Variants in RBFOX3 observed in about 807,000 individuals in gnomAD.
RBFOX3 encodes the protein RNA binding fox-1 homolog 3, also known as RNA binding protein fox-1 homolog 3.
In RBFOX3, 17 loss-of-function variants were observed where a neutral mutation model predicts 48.7. The observed-to-expected ratio is 0.35, with a 90% CI of 0.24 to 0.52. The LOEUF (loss-of-function observed/expected upper bound fraction) is 0.52, where lower values mean the gene tolerates loss of function less well. RBFOX3 is among the 20% of genes least tolerant of loss of function. RBFOX3 has a pLI of 0.94. For synonymous variants in RBFOX3, 212 were observed against 209.5 expected (o/e 1.01, Z -0.10); for missense variants, 382 against 497.5 (o/e 0.77, Z 2.21).
rs1568117949 is a variant in RBFOX3 at position 79,096,745 on chromosome 17, C to T, written c.844G>A (p.Ala282Thr). 1.2e-5 allele frequency: 18 copies of T among 1,520,092 alleles called. No individual in the cohort carries two copies. The highest frequency in any genetic ancestry group is 1.6e-5 in the Non-Finnish European group (18 of 1,118,478). The allele number at this position is 1,520,092 out of a possible 1,614,324, so 94.2% of individuals were successfully genotyped here. ...GGGAACGCTGGAGAGGTGGGGTAGG[C>T]CGGCTCCGGTGTCTGCTGAGGAGGG... is the stretch of plus-strand genomic sequence containing the variant. ...PLPPQQTPEP[A>T]YPTSPAFPPL... The change falls in exon 12 of 15, where the codon GCC becomes ACC. Residue 282 changes from alanine to threonine, a missense_variant. Ala to Thr is a moderately conservative substitution (Grantham distance 58, BLOSUM62 0). Around this residue, in one of 3 missense-constraint regions of RBFOX3, gnomAD observed 215 missense variants for 254.8 expected, o/e 0.84. Coordinates refer to ENST00000693108, the MANE Select transcript of RBFOX3 (RefSeq NM_001350451.2).
At chr17:79,240,302 G>A (rs1281080943) in intron 3 of RBFOX3, among the ~76,000 whole-genome samples, 3 of 152,148 alleles carry the variant, frequency 2.0e-5, no homozygotes, top group Non-Finnish European at 4.4e-5. Context: ...GAAAAAAACC[G>A]CTCATGTCAA....
chr17:79,484,998 A>T (rs2079350952), intron 1 of RBFOX3, among the ~76,000 whole-genome samples: 1 of 152,166 alleles, frequency 6.6e-6, no homozygotes, highest in South Asian at 2.1e-4. Context: ...ATTTGCTTTA[A>T]CTCTCAATAT....
chr17:79,502,128 C>T (rs999187982), intron 1 of RBFOX3, among the ~76,000 whole-genome samples: 3 of 152,072 alleles, frequency 2.0e-5, no homozygotes, highest in Admixed American at 6.5e-5. Context: ...AAAAATGGGG[C>T]TAATATAACC....
chr17:79,525,779 A>G (rs2086718481), intron 1 of RBFOX3, among the ~76,000 whole-genome samples: 1 of 152,210 alleles, frequency 6.6e-6, no homozygotes, highest in East Asian at 1.9e-4. Flanking sequence ...CTATGAGTAC[A>G]TTTTAATTCA....
rs554575681 is a variant in RBFOX3 at position 79,436,485 on chromosome 17, G to A, written c.-175+45969C>T. Reference sequence around the variant, plus strand: ...GCCCCATGGGCGGGACAGGGCTAGAGGGCAGCTGGAGAGCTGGCAGAGCCC... The same window carrying A: ...GCCCCATGGGCGGGACAGGGCTAGAAGGCAGCTGGAGAGCTGGCAGAGCCC... On this transcript the variant is annotated intron_variant, in intron 2 of 14. Transcript: ENST00000693108. Among the ~76,000 whole-genome samples, 4 of 152,338 alleles carry A rather than the reference G, an allele frequency of 2.6e-5. No individual in the cohort carries two copies. In the South Asian group the frequency reaches 8.3e-4, roughly 32 times the overall value.
At chr17:79,341,338 A>C (rs1200251835) in intron 2 of RBFOX3, among the ~76,000 whole-genome samples, 3 of 152,236 alleles carry the variant, frequency 2.0e-5, no homozygotes, top group Non-Finnish European at 4.4e-5. Flanking sequence ...TCCAATTCAT[A>C]TGCCACAGCC....
intron 1 of RBFOX3, among the ~76,000 whole-genome samples, chr17:79,498,102 G>A (rs1392086799): frequency 6.6e-6 from 1 of 152,194 alleles, no homozygotes; most frequent in East Asian, 1.9e-4. Context: ...CGCTTGCCCT[G>A]CCTTTTGGCT....
the RBFOX3 span, among the ~76,000 whole-genome samples, chr17:79,652,534 G>A: frequency 0.16 from 17,748 of 113,716 alleles, 1,738 homozygotes; most frequent in African/African-American, 0.31. Flanking sequence ...GGAGGGGAGG[G>A]GGAAAAGAAC....
intron 2 of RBFOX3, among the ~76,000 whole-genome samples, chr17:79,324,235 G>A (rs575425594): frequency 6.6e-6 from 1 of 152,210 alleles, no homozygotes; most frequent in Non-Finnish European, 1.5e-5. Flanking sequence ...GGCTTTGGGG[G>A]CTTGGGTCAC....
chr17:79,493,634 T>G (rs922988302), intron 1 of RBFOX3, among the ~76,000 whole-genome samples: 1 of 152,198 alleles, frequency 6.6e-6, no homozygotes, highest in African/African-American at 2.4e-5. Flanking sequence ...GCCTGGCATT[T>G]GTTGCAAGTT....
At chr17:79,145,496 T>TA (rs1053661001) in intron 4 of RBFOX3, among the ~76,000 whole-genome samples, 50 of 152,246 alleles carry the variant, frequency 3.3e-4, no homozygotes, top group East Asian at 9.6e-4. Context: ...GCAACCGAGT[T>TA]TGGGAAGCAC....
intron 4 of RBFOX3, among the ~76,000 whole-genome samples, chr17:79,133,131 T>C (rs1248704721): frequency 2.0e-5 from 3 of 152,098 alleles, no homozygotes; most frequent in Non-Finnish European, 4.4e-5. Context: ...GGGGAGCTCA[T>C]GGTGGCCTCC....
intron 4 of RBFOX3, among the ~76,000 whole-genome samples, chr17:79,171,756 T>C (rs1420674610): frequency 1.6e-5 from 2 of 124,996 alleles, no homozygotes; most frequent in African/African-American, 4.0e-5. Context: ...GCTCAAACTC[T>C]TGGGCTCAAG....
chr17:79,414,548 C>T (rs1254961288), intron 2 of RBFOX3, among the ~76,000 whole-genome samples: 2 of 152,216 alleles, frequency 1.3e-5, no homozygotes, highest in Non-Finnish European at 2.9e-5. Flanking sequence ...TCCTGGTCTC[C>T]CTGCACTCTC....
intron 3 of RBFOX3, among the ~76,000 whole-genome samples, chr17:79,260,790 G>A (rs749515992): frequency 6.6e-6 from 1 of 152,196 alleles, no homozygotes; most frequent in Non-Finnish European, 1.5e-5. Flanking sequence ...ATGTAGGAGA[G>A]GATTTTCAGT....
intron 1 of RBFOX3, among the ~76,000 whole-genome samples, chr17:79,579,700 T>C (rs1270455411): frequency 6.9e-6 from 1 of 144,754 alleles, no homozygotes; most frequent in Non-Finnish European, 1.6e-5. Context: ...GGTGGGGAAG[T>C]CACTGGCGCC....
At chr17:79,387,749 C>T (rs2060757119) in intron 2 of RBFOX3, among the ~76,000 whole-genome samples, 1 of 152,220 alleles carries the variant, frequency 6.6e-6, no homozygotes, top group African/African-American at 2.4e-5. Context: ...CTCCTGAAAA[C>T]CCATAACCAC....
At chr17:79,366,294 A>G (rs895365238) in intron 2 of RBFOX3, among the ~76,000 whole-genome samples, 13 of 152,362 alleles carry the variant, frequency 8.5e-5, no homozygotes, top group African/African-American at 3.1e-4. Context: ...TGCTTTCTGT[A>G]TAAAGAACAG....
intron 1 of RBFOX3, among the ~76,000 whole-genome samples, chr17:79,559,800 T>C (rs2092078281): frequency 6.9e-6 from 1 of 145,182 alleles, no homozygotes; most frequent in Non-Finnish European, 1.5e-5. Flanking sequence ...GGTGGGTGGA[T>C]GGATGAACAG....
Sources: gnomAD v4.1 joint callset for allele counts (sites outside exome capture counted in the v4.1 genomes callset) on GRCh38, gnomAD v4.1.1 for gene constraint, gnomAD v4.1.1 regional missense constraint, MANE v1.5 for transcripts, NCBI Gene and HGNC (gene_info 2026-07-23, HGNC 2026-07-21) for gene names.